Variants in CYB5R3 observed in about 807,000 individuals in gnomAD.
CYB5R3 encodes the protein NADH-cytochrome b5 reductase 3.
A neutral mutation model predicts 36.5 loss-of-function variants in CYB5R3; 28 were observed. That is an observed-to-expected ratio of 0.77 (90% CI 0.57 to 1.05). The LOEUF is 1.05. Ranked by LOEUF, CYB5R3 falls within the 50% of genes least tolerant of loss-of-function variation. The pLI is 0.00. For synonymous variants in CYB5R3, 181 were observed against 159.8 expected (o/e 1.13, Z -1.00); for missense variants, 474 against 408.9 (o/e 1.16, Z -1.37).
intron 1 of CYB5R3, among the ~76,000 whole-genome samples, chr22:42,639,551 C>T (rs1172014614): frequency 1.3e-5 from 2 of 151,708 alleles, no homozygotes; most frequent in African/African-American, 4.8e-5. Flanking sequence ...TCACTTGAAC[C>T]CAGGAGGCAG....
At chr22:42,644,668 C>A in intron 1 of CYB5R3, 1 of 985,408 alleles carries the variant, frequency 1.0e-6, no homozygotes, top group Non-Finnish European at 1.2e-6. Context: ...CTCCCTCAGT[C>A]ACAGAAACCA....
intron 4 of CYB5R3, among the ~76,000 whole-genome samples, chr22:42,628,540 A>G (rs1928430063): frequency 6.6e-6 from 1 of 151,422 alleles, no homozygotes; most frequent in Non-Finnish European, 1.5e-5. Context: ...AGGCCGACCA[A>G]CTCCAGGGCT....
intron 2 of CYB5R3, among the ~76,000 whole-genome samples, chr22:42,635,616 C>G (rs1014053073): frequency 6.6e-6 from 1 of 152,186 alleles, no homozygotes; most frequent in African/African-American, 2.4e-5. Flanking sequence ...GGGACAATTA[C>G]AGACACTTGC....
At chr22:42,626,241 C>T (rs778143150) in intron 7 of CYB5R3, among the ~76,000 whole-genome samples, 2 of 152,152 alleles carry the variant, frequency 1.3e-5, no homozygotes, top group Admixed American at 6.5e-5. Context: ...ACCCGGGAGG[C>T]GGAGGTTGCA....
chr22:42,644,086 T>G (rs1031535778), intron 1 of CYB5R3, among the ~76,000 whole-genome samples: 2 of 152,028 alleles, frequency 1.3e-5, no homozygotes, highest in Non-Finnish European at 2.9e-5. Flanking sequence ...ATCCCTCAGA[T>G]AGATGAAGTG....
intron 2 of CYB5R3, among the ~76,000 whole-genome samples, chr22:42,635,211 G>C (rs1400125537): frequency 6.6e-6 from 1 of 151,632 alleles, no homozygotes. Flanking sequence ...CTTGTGATCC[G>C]CCTGTCTCAG....
At chr22:42,628,613 G>A (rs576171348) in intron 4 of CYB5R3, among the ~76,000 whole-genome samples, 17 of 152,136 alleles carry the variant, frequency 1.1e-4, no homozygotes, top group African/African-American at 2.2e-4. Flanking sequence ...CACTGAACCC[G>A]TCAGCAAAGT....
chr22:42,624,447 T>C (rs1928159317), intron 7 of CYB5R3, among the ~76,000 whole-genome samples: 1 of 149,652 alleles, frequency 6.7e-6, no homozygotes, highest in African/African-American at 2.5e-5. Context: ...CCCACACCCA[T>C]CCTCCTGGCT....
At chr22:42,644,113 T>C (rs1929421208) in intron 1 of CYB5R3, among the ~76,000 whole-genome samples, 1 of 152,068 alleles carries the variant, frequency 6.6e-6, no homozygotes, top group Non-Finnish European at 1.5e-5. Flanking sequence ...CAAGGTCATA[T>C]AGCCATTCAG....
intron 1 of CYB5R3, among the ~76,000 whole-genome samples, chr22:42,646,235 C>T (rs1929531192): frequency 6.6e-6 from 1 of 152,144 alleles, no homozygotes; most frequent in Admixed American, 6.5e-5. Context: ...ACACACAGAC[C>T]ACCTCACCCC....
At chr22:42,631,334 C>A (rs1237442535) in intron 3 of CYB5R3, 44 bp downstream of exon 3, 1 of 1,521,800 alleles carries the variant, frequency 6.6e-7, no homozygotes, top group Middle Eastern at 1.7e-4. Context: ...AGTGCCCCAG[C>A]AGCCTGCCGG....
At chr22:42,625,474 A>T (rs969349364) in intron 7 of CYB5R3, among the ~76,000 whole-genome samples, 4 of 152,096 alleles carry the variant, frequency 2.6e-5, no homozygotes, top group African/African-American at 9.7e-5. Flanking sequence ...ACGCCATTGC[A>T]CTCCAGCCTG....
chr22:42,627,156 C>T (rs1231583648), intron 7 of CYB5R3, 148 bp downstream of exon 7: 5 of 742,842 alleles, frequency 6.7e-6, no homozygotes, highest in Non-Finnish European at 9.5e-6. Flanking sequence ...GCCAAGGCCG[C>T]CAGTGCACAG....
intron 2 of CYB5R3, chr22:42,633,277 T>C (rs953479191): frequency 1.3e-5 from 2 of 152,184 alleles, no homozygotes; most frequent in African/African-American, 4.8e-5. Context: ...AAAACCAGGT[T>C]ATCAAAAAAA....
chr22:42,648,909 A>T (rs1929645606), intron 1 of CYB5R3, among the ~76,000 whole-genome samples: 1 of 151,916 alleles, frequency 6.6e-6, no homozygotes, highest in Non-Finnish European at 1.5e-5. Context: ...TCACACACAC[A>T]TTCACTCTCA....
chr22:42,641,870 C>A (rs1178899050), intron 1 of CYB5R3, among the ~76,000 whole-genome samples: 2 of 152,010 alleles, frequency 1.3e-5, no homozygotes, highest in African/African-American at 4.8e-5. Flanking sequence ...GTGATCCACC[C>A]GCCTCAGCCT....
In CYB5R3 at chr22:42,619,448, C is replaced by T; in HGVS notation, c.*325G>A. On this transcript the variant is annotated 3_prime_UTR_variant, in exon 9 of 9. Transcript: ENST00000352397. ...TCCACGGCCGGGAATGGTGGGCAGA[C>T]GGGGCTGCTGGCAGCCCTCAGCCTT... is the stretch of plus-strand genomic sequence containing the variant. 2 of 332,178 alleles carry T rather than the reference C, an allele frequency of 6.0e-6. No individual in the cohort carries two copies. The highest frequency in any genetic ancestry group is 5.7e-6 in the Non-Finnish European group (1 of 175,772). The allele number at this position is 332,178 out of a possible 1,614,324, so 20.6% of individuals were successfully genotyped here.
chr22:42,643,884 C>A (rs536854095), intron 1 of CYB5R3, among the ~76,000 whole-genome samples: 1 of 152,106 alleles, frequency 6.6e-6, no homozygotes, highest in Non-Finnish European at 1.5e-5. Context: ...CAGCGGTCAG[C>A]GCCCCTGAGC....
rs1034750239 is a variant in CYB5R3 at position 42,618,046 on chromosome 22, C to G, written c.*1727G>C. ...TTGCCTCATCACCTCTGTAATTTAC[C>G]ACCATGCAGATGGCATCCTCTGACT... is the stretch of plus-strand genomic sequence containing the variant. On this transcript the variant is annotated 3_prime_UTR_variant, in exon 9 of 9. Transcript: ENST00000352397. The G allele has an allele frequency of 2.0e-5, 3 of 152,338 alleles. No homozygotes were observed. The highest frequency in any genetic ancestry group is 4.4e-5 in the Non-Finnish European group (3 of 68,150). The allele number at this position is 152,338 out of a possible 1,614,324, so 9.4% of individuals were successfully genotyped here.
Sources: allele counts gnomAD v4.1 joint callset (sites outside exome capture counted in the v4.1 genomes callset), GRCh38; gene constraint gnomAD v4.1.1; transcripts MANE v1.5; gene names NCBI Gene and HGNC (gene_info 2026-07-23, HGNC 2026-07-21).